The following BBS9 variants were observed in gnomAD, a reference collection of about 807,000 sequenced individuals.
BBS9 encodes the protein Bardet-Biedl syndrome 9, also known as protein PTHB1.
A neutral mutation model predicts 117.7 loss-of-function variants in BBS9; 89 were observed. The ratio of observed to expected loss-of-function variants is 0.76; its 90% CI spans 0.64 to 0.90. The LOEUF is 0.90. Among genes scored for constraint, BBS9 ranks in the 40% least tolerant of loss-of-function variants. The pLI, the probability that BBS9 is intolerant of heterozygous loss-of-function variation, is 0.00. For synonymous variants in BBS9, 379 were observed against 370.9 expected (o/e 1.02, Z -0.25); for missense variants, 982 against 1,042.2 (o/e 0.94, Z 0.80).
chr7:33,616,126 G>A (rs1301198661), intron 21 of BBS9, among the ~76,000 whole-genome samples: 2 of 151,796 alleles, frequency 1.3e-5, no homozygotes, highest in East Asian at 3.9e-4. Context: ...CAGAGAAAGA[G>A]TAAGTGAAAG....
chr7:33,266,288 G>A (rs1798808116), intron 7 of BBS9, among the ~76,000 whole-genome samples: 1 of 152,208 alleles, frequency 6.6e-6, no homozygotes, highest in Non-Finnish European at 1.5e-5. Context: ...ATACCATGGA[G>A]CAATATCAAA....
chr7:33,588,769 G>A (rs1237375181), intron 21 of BBS9, among the ~76,000 whole-genome samples: 3 of 152,196 alleles, frequency 2.0e-5, no homozygotes, highest in Non-Finnish European at 2.9e-5. Context: ...AGAAGGTGAG[G>A]GAATTATTCA....
chr7:33,196,450 A>G (rs552274663), intron 5 of BBS9, among the ~76,000 whole-genome samples: 1 of 152,334 alleles, frequency 6.6e-6, no homozygotes, highest in East Asian at 1.9e-4. Context: ...ATGAACAGCC[A>G]GAACACAGCC....
intron 7 of BBS9, among the ~76,000 whole-genome samples, chr7:33,269,299 C>G (rs1212121793): frequency 6.6e-6 from 1 of 152,104 alleles, no homozygotes; most frequent in Non-Finnish European, 1.5e-5. Context: ...TCACAGCAGC[C>G]CTATTTCCTG....
At chr7:33,492,465 T>G (rs775330717) in intron 19 of BBS9, among the ~76,000 whole-genome samples, 1 of 152,174 alleles carries the variant, frequency 6.6e-6, no homozygotes. Flanking sequence ...TAATCACTTA[T>G]GATGAGGACG....
intron 9 of BBS9, among the ~76,000 whole-genome samples, chr7:33,296,021 T>C (rs895968476): frequency 6.6e-6 from 1 of 152,122 alleles, no homozygotes; most frequent in Non-Finnish European, 1.5e-5. Flanking sequence ...AACTCATTTT[T>C]CAATGGCCTA....
intron 9 of BBS9, among the ~76,000 whole-genome samples, chr7:33,278,953 T>C (rs77144086): frequency 0.039 from 5,933 of 152,322 alleles, 211 homozygotes; most frequent in African/African-American, 0.092. Context: ...AGCCATACCA[T>C]GTGGGAGAGA....
intron 9 of BBS9, among the ~76,000 whole-genome samples, chr7:33,323,844 T>TC (rs1171665095): frequency 1.1e-4 from 16 of 144,254 alleles, no homozygotes; most frequent in Non-Finnish European, 3.0e-5. Flanking sequence ...TTTTTTTTTT[T>TC]TTTTTTTTTT....
chr7:33,352,716 T>A lies in BBS9; in HGVS notation c.1538-143T>A, dbSNP rs193070192. On this transcript the variant is annotated intron_variant, in intron 14 of 22. Transcript: ENST00000242067. ...TGTGGATTGACTTGTGTTTGGAGAG[T>A]CATTTAAGTCATCTGTGAGAATCTT... 5.9e-4 allele frequency: 519 copies of A among 882,304 alleles called. 1 individual carries two copies. The highest frequency in any genetic ancestry group is 8.4e-4 in the Non-Finnish European group (451 of 535,190). The allele number at this position is 882,304 out of a possible 1,614,324, so 54.7% of individuals were successfully genotyped here.
At chr7:33,138,639 A>G (rs1006567379) in intron 1 of BBS9, among the ~76,000 whole-genome samples, 2 of 150,928 alleles carry the variant, frequency 1.3e-5, no homozygotes, top group African/African-American at 2.4e-5. Flanking sequence ...CAATAATGAT[A>G]TATATATTTT....
At chr7:33,553,577 A>G (rs1327528528) in intron 21 of BBS9, among the ~76,000 whole-genome samples, 2 of 152,134 alleles carry the variant, frequency 1.3e-5, no homozygotes, top group African/African-American at 2.4e-5. Flanking sequence ...CAGACCTACA[A>G]ATTGTACCAA....
intron 21 of BBS9, among the ~76,000 whole-genome samples, chr7:33,619,351 A>G (rs1334567132): frequency 6.6e-6 from 1 of 152,196 alleles, no homozygotes; most frequent in Non-Finnish European, 1.5e-5. Flanking sequence ...ACACCTAAAT[A>G]CATAAAGAAA....
intron 17 of BBS9, among the ~76,000 whole-genome samples, chr7:33,377,620 A>G (rs909288609): frequency 1.3e-5 from 2 of 152,150 alleles, no homozygotes; most frequent in South Asian, 2.1e-4. Context: ...TAGTATGGCC[A>G]TTTCGATGAT....
At chr7:33,577,333 A>G (rs1474509334) in intron 21 of BBS9, among the ~76,000 whole-genome samples, 1 of 152,368 alleles carries the variant, frequency 6.6e-6, no homozygotes, top group African/African-American at 2.4e-5. Context: ...AGAGAAATGC[A>G]AATCAAAACC....
intron 19 of BBS9, among the ~76,000 whole-genome samples, chr7:33,434,379 CAAGTT>C (rs1834989564): frequency 6.6e-6 from 1 of 151,230 alleles, no homozygotes; most frequent in African/African-American, 2.4e-5. Flanking sequence ...TTAAAATAGA[CAAGTT>C]AGGACATCAT....
chr7:33,448,200 C>T (rs1359873046), intron 19 of BBS9, among the ~76,000 whole-genome samples: 3 of 152,022 alleles, frequency 2.0e-5, no homozygotes, highest in Non-Finnish European at 2.9e-5. Context: ...TGTGGGAAAC[C>T]AAGGACTTTT....
chr7:33,276,535 T>C (rs1274322971), intron 9 of BBS9, among the ~76,000 whole-genome samples: 1 of 152,186 alleles, frequency 6.6e-6, no homozygotes, highest in Non-Finnish European at 1.5e-5. Context: ...CCAGTTTTGC[T>C]CTTTGGCTGT....
chr7:33,207,975 T>C (rs1787273800), intron 5 of BBS9, among the ~76,000 whole-genome samples: 1 of 152,018 alleles, frequency 6.6e-6, no homozygotes, highest in African/African-American at 2.4e-5. Flanking sequence ...GCCTGGCTTA[T>C]TTTTTGTATT....
At chr7:33,385,830 T>A (rs1268307156) in intron 18 of BBS9, among the ~76,000 whole-genome samples, 1 of 145,342 alleles carries the variant, frequency 6.9e-6, no homozygotes, top group Non-Finnish European at 1.6e-5. Flanking sequence ...GTTAATGTTC[T>A]TTTAAAAACT....
Sources: gnomAD v4.1 joint callset for allele counts (sites outside exome capture counted in the v4.1 genomes callset) on GRCh38, gnomAD v4.1.1 for gene constraint, MANE v1.5 for transcripts, NCBI Gene and HGNC (gene_info 2026-07-23, HGNC 2026-07-21) for gene names.